Variants in TANC2 observed in about 807,000 individuals in gnomAD.
The protein encoded by TANC2 is tetratricopeptide repeat, ankyrin repeat and coiled-coil containing 2.
TANC2 carries 26 observed loss-of-function variants against 210.5 expected under a neutral mutation model. The ratio of observed to expected loss-of-function variants is 0.12; its 90% CI spans 0.09 to 0.17. The LOEUF (loss-of-function observed/expected upper bound fraction) is 0.17. TANC2 is among the 10% of genes least tolerant of loss of function. The probability of loss-of-function intolerance (pLI) is 1.00; values close to 1 mark genes in which losing one functional copy is unlikely to be tolerated. For synonymous variants in TANC2, 931 were observed against 967.1 expected (o/e 0.96, Z 0.69); for missense variants, 2,129 against 2,608.9 (o/e 0.82, Z 4.01).
At chr17:63,045,933 G>A (rs2035360807) in intron 2 of TANC2, among the ~76,000 whole-genome samples, 1 of 151,932 alleles carries the variant, frequency 6.6e-6, no homozygotes. Context: ...ACACCATCAT[G>A]CCTGGCTTCT....
chr17:63,081,266 G>A (rs2036760670), intron 3 of TANC2, among the ~76,000 whole-genome samples: 1 of 151,898 alleles, frequency 6.6e-6, no homozygotes, highest in African/African-American at 2.4e-5. Flanking sequence ...TTATTATTTA[G>A]AATGTTAGGG....
chr17:63,037,361 T>G (rs1012873709), intron 2 of TANC2, among the ~76,000 whole-genome samples: 1 of 152,146 alleles, frequency 6.6e-6, no homozygotes, highest in African/African-American at 2.4e-5. Flanking sequence ...TTAAAACTTA[T>G]GAATTGGTAA....
intron 1 of TANC2, among the ~76,000 whole-genome samples, chr17:62,974,774 T>G (rs2031906671): frequency 6.6e-6 from 1 of 152,242 alleles, no homozygotes; most frequent in Non-Finnish European, 1.5e-5. Context: ...TGATGATAGA[T>G]TTTACTGTTT....
chr17:62,980,965 A>C (rs1345654013), intron 1 of TANC2, among the ~76,000 whole-genome samples: 1 of 152,002 alleles, frequency 6.6e-6, no homozygotes, highest in African/African-American at 2.4e-5. Context: ...TCTCTCCCTG[A>C]GTTGTTCTTG....
intron 9 of TANC2, among the ~76,000 whole-genome samples, chr17:63,289,714 C>G (rs191895875): frequency 5.7e-4 from 87 of 152,280 alleles, no homozygotes; most frequent in African/African-American, 2.1e-3. Flanking sequence ...TGTCTCTTCA[C>G]ATTGTGTTCT....
At chr17:63,264,962 A>T (rs1008791117) in intron 8 of TANC2, among the ~76,000 whole-genome samples, 3 of 152,198 alleles carry the variant, frequency 2.0e-5, no homozygotes, top group Admixed American at 6.6e-5. Flanking sequence ...TCGTCTCAAA[A>T]AAAAGGAACT....
chr17:63,149,096 T>C lies in TANC2; in HGVS notation c.323-2174T>C, dbSNP rs147250411. ...CTGTGAGCTATAAAGATAACCTCAG[T>C]TGGAATTTCCTGAGAAGGGAAAATA... is the stretch of plus-strand genomic sequence containing the variant. On this transcript the variant is annotated intron_variant, in intron 4 of 27. Coordinates refer to ENST00000689528, the Ensembl canonical transcript of TANC2. 1.7e-3 allele frequency: 261 copies of C among 152,232 alleles called. 1 individual carries two copies. The highest frequency in any genetic ancestry group is 6.1e-3 in the African/African-American group (253 of 41,578). The allele number at this position is 152,232 out of a possible 1,614,324, so 9.4% of individuals were successfully genotyped here. A position where few individuals can be genotyped will look rare whatever the true frequency, so the allele number is the denominator to read the frequency against.
At chr17:63,142,503 A>G (rs1402797276) in intron 4 of TANC2, among the ~76,000 whole-genome samples, 1 of 152,076 alleles carries the variant, frequency 6.6e-6, no homozygotes, top group African/African-American at 2.4e-5. Context: ...TTGTCAGTCT[A>G]GAGTAAGTTT....
chr17:63,422,265 G>C (rs911735848), exon 28 of TANC2: 5 of 263,006 alleles, frequency 1.9e-5, no homozygotes, highest in Non-Finnish European at 3.6e-5. Flanking sequence ...GCTTTTTCCA[G>C]GAGACAATCG....
intron 2 of TANC2, among the ~76,000 whole-genome samples, chr17:63,021,510 A>G (rs2034347547): frequency 6.6e-6 from 1 of 152,212 alleles, no homozygotes; most frequent in African/African-American, 2.4e-5. Flanking sequence ...CATGAGTTGA[A>G]GCATCACGAG....
intron 15 of TANC2, among the ~76,000 whole-genome samples, chr17:63,386,959 C>T (rs1254440624): frequency 1.3e-5 from 2 of 151,870 alleles, no homozygotes; most frequent in African/African-American, 4.8e-5. Flanking sequence ...CTCAAGCGAT[C>T]CTCCCACCTC....
chr17:63,323,318 A>G (rs2045553400), intron 11 of TANC2, among the ~76,000 whole-genome samples: 1 of 152,234 alleles, frequency 6.6e-6, no homozygotes. Flanking sequence ...TTGTGCATCT[A>G]GTTAACTGAG....
intron 4 of TANC2, among the ~76,000 whole-genome samples, chr17:63,102,337 T>C (rs1370446616): frequency 6.7e-6 from 1 of 149,046 alleles, no homozygotes; most frequent in Non-Finnish European, 1.5e-5. Flanking sequence ...AATAAATAAA[T>C]AAATAAAAAG....
rs75076813 is a variant in TANC2 at position 62,972,779 on chromosome 17, C to A, written c.-24+6030C>A. ...CACTTCTGTCTTCAAAGTGCTTTAGCGGTAGTAAACTGTGTGTGGTTCCTT... is the reference window on the plus strand; with the variant it reads ...CACTTCTGTCTTCAAAGTGCTTTAGAGGTAGTAAACTGTGTGTGGTTCCTT... On this transcript the variant is annotated intron_variant, in intron 1 of 27. Transcript: ENST00000689528. 9.2e-5 allele frequency among the ~76,000 whole-genome samples: 14 copies of A among 152,108 alleles called. 1 individual carries two copies. The highest frequency in any genetic ancestry group is 2.9e-4 in the African/African-American group (12 of 41,394).
At chr17:63,149,130 G>C (rs897672592) in intron 4 of TANC2, 2 of 152,052 alleles carry the variant, frequency 1.3e-5, no homozygotes, top group African/African-American at 4.8e-5. Flanking sequence ...TAAAGAAGTT[G>C]GTATACATCG....
chr17:63,225,701 A>G (rs1036836161), intron 7 of TANC2, among the ~76,000 whole-genome samples: 5 of 152,088 alleles, frequency 3.3e-5, no homozygotes, highest in African/African-American at 4.8e-5. Context: ...CATCTAATCA[A>G]ATTATCAAGT....
chr17:63,401,600 T>TTTATTTA, intron 19 of TANC2, among the ~76,000 whole-genome samples: 1 of 152,336 alleles, frequency 6.6e-6, no homozygotes, highest in South Asian at 2.1e-4. Flanking sequence ...TCATCTTCCA[T>TTTATTTA]TTGCAGCCTC....
intron 17 of TANC2, chr17:63,389,849 AAG>A: frequency 2.9e-6 from 1 of 350,174 alleles, no homozygotes; most frequent in Non-Finnish European, 5.4e-6. Flanking sequence ...CTTTTTAACA[AAG>A]AGAGGAAGGA....
At chr17:63,324,179 T>A (rs2146659217) in intron 11 of TANC2, among the ~76,000 whole-genome samples, 1 of 152,330 alleles carries the variant, frequency 6.6e-6, no homozygotes, top group South Asian at 2.1e-4. Flanking sequence ...CTGACAGTCC[T>A]TAGATTAAGA....
Sources: allele counts gnomAD v4.1 joint callset (sites outside exome capture counted in the v4.1 genomes callset), GRCh38; gene constraint gnomAD v4.1.1; transcripts MANE v1.5; gene names NCBI Gene and HGNC (gene_info 2026-07-23, HGNC 2026-07-21).